NPY1R: variants seen among roughly 807,000 people sequenced by gnomAD.
The protein encoded by NPY1R is neuropeptide Y receptor Y1.
In NPY1R, 10 loss-of-function variants were observed where a neutral mutation model predicts 24.1. The ratio of observed to expected loss-of-function variants is 0.42; its 90% CI spans 0.26 to 0.71. The LOEUF is 0.71. NPY1R is among the 30% of genes least tolerant of loss of function. The pLI is 0.28. For synonymous variants in NPY1R, 168 were observed against 165.9 expected (o/e 1.01, Z -0.10); for missense variants, 350 against 458.0 (o/e 0.76, Z 2.15).
chr4:163,337,037 A>G (rs1734855358), upstream of NPY1R, among the ~76,000 whole-genome samples: 1 of 152,188 alleles, frequency 6.6e-6, no homozygotes, highest in South Asian at 2.1e-4. Flanking sequence ...AGGTGCATGC[A>G]AAAATGGCAC....
In NPY1R at chr4:163,326,331, G is replaced by A; in HGVS notation, c.224C>T (p.Thr75Ile). The change falls in exon 2 of 3, where the codon ACC becomes ATC. Residue 75 changes from threonine (T) to isoleucine (I), a missense_variant. By Grantham distance (89) the Thr-to-Ile change is moderately conservative. Transcript: ENST00000296533. ...GGAAAGGTTCACAATCAGGATGTTGGTAACATTTCTCATCTCCTTTTGTTT... is the reference window on the plus strand; with the variant it reads ...GGAAAGGTTCACAATCAGGATGTTGATAACATTTCTCATCTCCTTTTGTTT... ...ILKQKEMRNV[T>I]NILIVNLSFS... is the part of the protein sequence containing the mutation. 1 of 1,613,978 alleles carries A rather than the reference G, an allele frequency of 6.2e-7. No homozygotes were observed. The highest frequency in any genetic ancestry group is 8.5e-7 in the Non-Finnish European group (1 of 1,179,868).
At chr4:163,327,856 A>G (rs2110789019) in intron 1 of NPY1R, among the ~76,000 whole-genome samples, 1 of 152,292 alleles carries the variant, frequency 6.6e-6, no homozygotes, top group Middle Eastern at 3.4e-3. Flanking sequence ...CTAGATTACT[A>G]AGTAAATATG....
Position 163,325,442 on chromosome 4 carries a change from T to C in NPY1R, c.1016A>G (p.Asp339Gly), listed in dbSNP as rs746867971. The C allele has an allele frequency of 4.3e-6, 7 of 1,614,034 alleles. No individual in the cohort carries two copies. In the South Asian group the frequency reaches 7.7e-5, roughly 18 times the overall value. ...ATAATCATCATCCCGAGACCGGAAA[T>C]CACAAAAGTTGAAGAAGAACTGCAA... Reference protein sequence around the residue: ...RDLQFFFNFCDFRSRDDDYET... With the variant: ...RDLQFFFNFCGFRSRDDDYET... Residue 339 changes from aspartate (D) to glycine (G), a missense_variant, in exon 3 of 3, where the codon GAT becomes GGT. Physicochemically the swap from Asp to Gly is moderately conservative, Grantham distance 94. Coordinates refer to ENST00000296533, the MANE Select transcript of NPY1R (RefSeq NM_000909.6).
chr4:163,332,836 T>A (rs1459292865), upstream of NPY1R: 1 of 152,232 alleles, frequency 6.6e-6, no homozygotes, highest in Non-Finnish European at 1.5e-5. Context: ...CCCACAGTCC[T>A]CGACTCCGGG....
upstream of NPY1R, among the ~76,000 whole-genome samples, chr4:163,334,825 A>T (rs1734800434): frequency 6.8e-6 from 1 of 146,408 alleles, no homozygotes; most frequent in South Asian, 2.2e-4. Flanking sequence ...GCACGACTGC[A>T]CTCCAGCCTG....
intron 1 of NPY1R, among the ~76,000 whole-genome samples, chr4:163,329,518 T>C (rs1360035076): frequency 1.3e-5 from 2 of 151,936 alleles, no homozygotes; most frequent in Non-Finnish European, 2.9e-5. Flanking sequence ...GGAGAATTGC[T>C]TGAACCTGGG....
Position 163,325,670 on chromosome 4 carries a change from A to G in NPY1R, c.788T>C (p.Ile263Thr). Reference protein sequence around the residue: ...YRSSETKRINIMLLSIVVAFA... With the variant: ...YRSSETKRINTMLLSIVVAFA... ...TGCTACCACAATGGAGAGCAGCATG[A>G]TATTGATTCTTTTGGTTTCACTGGA... The change falls in exon 3 of 3, where the codon ATC (isoleucine) becomes ACC (threonine). Residue 263 changes from isoleucine (I) to threonine (T), a missense_variant. Coordinates refer to ENST00000296533, the MANE Select transcript of NPY1R (RefSeq NM_000909.6). The G allele has an allele frequency of 6.2e-7, 1 of 1,605,998 alleles. No individual in the cohort carries two copies. Among genetic ancestry groups the G allele is most frequent in the Non-Finnish European group, 8.5e-7 (1 of 1,179,000 alleles).
intron 1 of NPY1R, among the ~76,000 whole-genome samples, chr4:163,329,326 C>A (rs373716315): frequency 6.6e-6 from 1 of 151,998 alleles, no homozygotes; most frequent in Non-Finnish European, 1.5e-5. Context: ...GGACTGGGGC[C>A]GGGCGAGGTG....
chr4:163,326,893 T>C (rs1050333451), intron 1 of NPY1R, among the ~76,000 whole-genome samples, 188 bp from the exon 2 acceptor site: 24 of 152,188 alleles, frequency 1.6e-4, no homozygotes, highest in African/African-American at 5.3e-4. Context: ...AAATTTTTAA[T>C]TGGACTTGCT....
In NPY1R at chr4:163,331,869, A is replaced by G. The variant is rs12510104; in HGVS notation, c.-152+613T>C. Among the ~76,000 whole-genome samples the G allele has an allele frequency of 2.9e-3, 435 of 152,174 alleles. 1 individual carries two copies. Among genetic ancestry groups the G allele is most frequent in the African/African-American group, 0.01 (419 of 41,518 alleles). The stretch of plus-strand genomic sequence containing the variant: ...ACACTCGAAGCGCCCGGTACTGCGG[A>G]GCGCGGCTCGATTGCAGCCGAGAAG... On this transcript the variant is annotated intron_variant, in intron 1 of 2. Transcript: ENST00000296533.
intron 1 of NPY1R, among the ~76,000 whole-genome samples, chr4:163,340,956 C>T (rs1734965750): frequency 6.6e-6 from 1 of 152,076 alleles, no homozygotes; most frequent in Admixed American, 6.5e-5. Context: ...GCTTAAGGAG[C>T]ACAGTGTTTA....
chr4:163,344,512 GGGGGCGCAGCCCGC>G (rs1479658734), exon 1 of NPY1R: 2 of 152,226 alleles, frequency 1.3e-5, no homozygotes, highest in Non-Finnish European at 2.9e-5. Flanking sequence ...TGGCGAGGCC[GGGGGCGCAGCCCGC>G]GGGGCGCCAC....
chr4:163,327,699 A>T (rs1734639595), intron 1 of NPY1R, among the ~76,000 whole-genome samples: 1 of 152,152 alleles, frequency 6.6e-6, no homozygotes, highest in Non-Finnish European at 1.5e-5. Context: ...CAATGCAAGG[A>T]TCTAGATTTT....
Position 163,325,626 on chromosome 4 carries a change from G to T in NPY1R, c.832C>A (p.Pro278Thr). The change falls in exon 3 of 3, where the codon CCT becomes ACT. Residue 278 changes from proline (P) to threonine (T), a missense_variant. Pro to Thr is a conservative substitution (Grantham distance 38, BLOSUM62 -1). Transcript: ENST00000296533. The stretch of plus-strand genomic sequence containing the variant: ...AACACAGTGTTAAAGATGGTAAGAG[G>T]GAGCCAGCAGACTGCAAATGCTACC... Reference protein sequence around the residue: ...IVVAFAVCWLPLTIFNTVFDW... With the variant: ...IVVAFAVCWLTLTIFNTVFDW... 6.2e-7 allele frequency: 1 copy of T among 1,611,876 alleles called. No individual in the cohort carries two copies. Among genetic ancestry groups the T allele is most frequent in the Non-Finnish European group, 8.5e-7 (1 of 1,179,934 alleles).
chr4:163,328,760 C>T (rs1362961840), intron 1 of NPY1R, among the ~76,000 whole-genome samples: 1 of 152,194 alleles, frequency 6.6e-6, no homozygotes, highest in Non-Finnish European at 1.5e-5. Flanking sequence ...TCCGCCATTC[C>T]TCTTGCTGGG....
At chr4:163,336,661 T>G (rs1444933645), upstream of NPY1R, among the ~76,000 whole-genome samples, 1 of 152,234 alleles carries the variant, frequency 6.6e-6, no homozygotes, top group Non-Finnish European at 1.5e-5. Context: ...GTATAATTTT[T>G]TCTAAAGAAA....
intron 1 of NPY1R, among the ~76,000 whole-genome samples, chr4:163,331,427 C>A (rs917503361): frequency 2.6e-5 from 4 of 152,094 alleles, no homozygotes; most frequent in African/African-American, 7.2e-5. Context: ...TACCCACCCA[C>A]CTTTTTCATA....
chr4:163,340,999 G>A (rs1373037912), intron 1 of NPY1R, among the ~76,000 whole-genome samples: 1 of 151,894 alleles, frequency 6.6e-6, no homozygotes, highest in Admixed American at 6.6e-5. Context: ...TGATGCCCCC[G>A]TAGGACCTCA....
chr4:163,340,917 T>G (rs543482576), intron 1 of NPY1R, among the ~76,000 whole-genome samples: 164 of 152,202 alleles, frequency 1.1e-3, no homozygotes, highest in South Asian at 1.9e-3. Flanking sequence ...GTATAATCAT[T>G]AGGGCATCAA....
Sources: gnomAD v4.1 joint callset for allele counts (sites outside exome capture counted in the v4.1 genomes callset) on GRCh38, gnomAD v4.1.1 for gene constraint, MANE v1.5 for transcripts, NCBI Gene and HGNC (gene_info 2026-07-23, HGNC 2026-07-21) for gene names.